SYNE2: variants seen among roughly 807,000 people sequenced by gnomAD.
SYNE2 encodes the protein nesprin-2.
A neutral mutation model predicts 856.3 loss-of-function variants in SYNE2; 431 were observed. The observed-to-expected ratio is 0.50, with a 90% CI of 0.47 to 0.55. The LOEUF (loss-of-function observed/expected upper bound fraction) is 0.55, where lower values mean the gene tolerates loss of function less well. Among genes scored for constraint, SYNE2 ranks in the 20% least tolerant of loss-of-function variants. The pLI, the probability that SYNE2 is intolerant of heterozygous loss-of-function variation, is 0.00. For missense variants in SYNE2, 8,129 were observed against 8,023.2 expected, an observed-to-expected ratio of 1.01 and a Z score of -0.50; for synonymous variants, 2,923 against 2,872.3, an observed-to-expected ratio of 1.02 and a Z score of -0.56.
intron 45 of SYNE2, among the ~76,000 whole-genome samples, chr14:64,046,707 A>G (rs992219549): frequency 2.6e-5 from 4 of 152,196 alleles, no homozygotes; most frequent in African/African-American, 9.7e-5. Flanking sequence ...CCAGACTCAT[A>G]AAAGAGGCAC....
chr14:64,224,518 G>A lies in SYNE2; in HGVS notation c.20440G>A (p.Ala6814Thr). The part of the protein sequence containing the change: ...DEVDSGDQPP[A>T]TSVPAPRAKF... ...GGTAGACTCGGGGGACCAGCCTCCTGCAACATCCGTGCCAGCTCCCCGAGC... is the reference window on the plus strand; with the variant it reads ...GGTAGACTCGGGGGACCAGCCTCCTACAACATCCGTGCCAGCTCCCCGAGC... Residue 6814 changes from alanine (A) to threonine (T), a missense_variant, in exon 114 of 116, where the codon GCA becomes ACA. Physicochemically the swap from Ala to Thr is moderately conservative, Grantham distance 58. This residue lies in a region of SYNE2 where 5,410 missense variants were observed against 5,284.8 expected (regional missense o/e 1.02). Transcript: ENST00000555002. 1 of 1,614,124 alleles carries A rather than the reference G, an allele frequency of 6.2e-7. No homozygotes were observed. The highest frequency in any genetic ancestry group is 8.5e-7 in the Non-Finnish European group (1 of 1,180,028).
At chr14:64,213,780 A>C (rs1016924238) in intron 105 of SYNE2, among the ~76,000 whole-genome samples, 1 of 152,222 alleles carries the variant, frequency 6.6e-6, no homozygotes, top group African/African-American at 2.4e-5. Flanking sequence ...TAAGAAAGAA[A>C]GAACCTGGTG....
chr14:63,786,247 C>CAAA (rs61324324), intron 1 of SYNE2, among the ~76,000 whole-genome samples: 1 of 142,050 alleles, frequency 7.0e-6, no homozygotes, highest in Non-Finnish European at 1.5e-5. Flanking sequence ...AAGACTGTCT[C>CAAA]AAAAAAAAAA....
intron 6 of SYNE2, among the ~76,000 whole-genome samples, chr14:63,948,788 A>ATATG (rs1566884695): frequency 5.3e-5 from 3 of 57,056 alleles, no homozygotes; most frequent in Non-Finnish European, 9.1e-5. Flanking sequence ...GTGTGTATAT[A>ATATG]TATATATATA....
In SYNE2 at chr14:64,210,001, C is replaced by CCGG; in HGVS notation, c.18605_18607dup (p.Arg6202dup). 1 of 1,614,142 alleles carries CCGG rather than the reference C, an allele frequency of 6.2e-7. No homozygotes were observed. Among genetic ancestry groups the CCGG allele is most frequent in the Non-Finnish European group, 8.5e-7 (1 of 1,180,034 alleles). On this transcript the variant is annotated inframe_insertion, in exon 103 of 116. Transcript: ENST00000555002. ...AGCTGGAGCTCATCAACAAGCAGTA[C>CCGG]CGGCGGCTGGCCCGGGAGAACCGCA...
At chr14:63,895,375 C>T (rs1178864090) in intron 1 of SYNE2, among the ~76,000 whole-genome samples, 2 of 151,654 alleles carry the variant, frequency 1.3e-5, no homozygotes, top group African/African-American at 2.4e-5. Context: ...TCCCAAAGTG[C>T]TGGGATTACA....
In SYNE2 at chr14:64,215,363, C is replaced by T; in HGVS notation, c.19402+9C>T. On this transcript the variant is annotated intron_variant, in intron 107 of 115. Transcript: ENST00000555002. ...TTTGAAAGCGTCTTCTGGTAGGCCC[C>T]CGCCCATGCATGTGTCAACATGGCA... The T allele has an allele frequency of 1.2e-6, 2 of 1,613,884 alleles. No homozygotes were observed. The highest frequency in any genetic ancestry group is 1.7e-6 in the Non-Finnish European group (2 of 1,179,906).
intron 2 of SYNE2, among the ~76,000 whole-genome samples, chr14:63,915,209 C>T (rs2097852625): frequency 6.6e-6 from 1 of 152,100 alleles, no homozygotes; most frequent in South Asian, 2.1e-4. Flanking sequence ...GAGAACTTCT[C>T]AGGTATAGAA....
chr14:63,879,256 C>CT (rs1051319177), intron 1 of SYNE2, among the ~76,000 whole-genome samples: 10 of 152,248 alleles, frequency 6.6e-5, no homozygotes, highest in Non-Finnish European at 1.0e-4. Flanking sequence ...ATTTAAAAAT[C>CT]TTTTTTTGTT....
chr14:64,183,922 G>T (rs1041422802), intron 96 of SYNE2, among the ~76,000 whole-genome samples: 62 of 142,944 alleles, frequency 4.3e-4, no homozygotes, highest in African/African-American at 1.5e-3. Flanking sequence ...AGGGAGAGGG[G>T]GCTCGGCATC....
chr14:63,817,297 CA>C (rs1889029600), intron 1 of SYNE2, among the ~76,000 whole-genome samples: 1 of 151,708 alleles, frequency 6.6e-6, no homozygotes, highest in Non-Finnish European at 1.5e-5. Flanking sequence ...CCTGTCTCTA[CA>C]AAAAAACACA....
intron 32 of SYNE2, among the ~76,000 whole-genome samples, chr14:64,014,167 G>T (rs1476794679): frequency 6.6e-6 from 1 of 152,090 alleles, no homozygotes; most frequent in Non-Finnish European, 1.5e-5. Context: ...GCATTATTCT[G>T]TGGAGATTCA....
At chr14:63,786,294 G>C (rs988344110) in intron 1 of SYNE2, among the ~76,000 whole-genome samples, 36 of 152,076 alleles carry the variant, frequency 2.4e-4, no homozygotes, top group African/African-American at 8.7e-4. Flanking sequence ...TGTGGTCCCA[G>C]CTACTCAGGA....
intron 45 of SYNE2, among the ~76,000 whole-genome samples, chr14:64,047,320 G>C (rs191293883): frequency 6.2e-4 from 95 of 152,244 alleles, no homozygotes; most frequent in African/African-American, 2.3e-3. Flanking sequence ...ACGCAAAAAA[G>C]GTTAAAGCGA....
rs753166946 is a variant in SYNE2 at position 64,121,020 on chromosome 14, A to G, written c.13117A>G (p.Arg4373Gly). 4.3e-6 allele frequency: 7 copies of G among 1,614,050 alleles called. No individual in the cohort carries two copies. The African/African-American group carries it at 8.0e-5, about 18-fold the overall frequency. ...TGAATTGGAATCCATTGTAACTGAA[A>G]GGCCACAATTCAGCAGACAAAAAGA... ...LSELESIVTE[R>G]PQFSRQKDFQ... Residue 4373 changes from arginine (R) to glycine (G), a missense_variant, in exon 68 of 116, where the codon AGG becomes GGG. Physicochemically the swap from Arg to Gly is moderately radical, Grantham distance 125 (BLOSUM62 -2). Coordinates refer to ENST00000555002, the MANE Select transcript of SYNE2 (RefSeq NM_182914.3).
At position 64,210,020 on chromosome 14, in the gene SYNE2, A is replaced by T; in HGVS notation, c.18619A>T (p.Asn6207Tyr). The T allele has an allele frequency of 6.2e-7, 1 of 1,614,042 alleles. No homozygotes were observed. Among genetic ancestry groups the T allele is most frequent in the South Asian group, 1.1e-5 (1 of 91,072 alleles). The change falls in exon 103 of 116, where the codon AAC becomes TAC. Residue 6207 changes from asparagine to tyrosine, a missense_variant. This residue lies in a region of SYNE2 where 5,410 missense variants were observed against 5,284.8 expected (regional missense o/e 1.02). Coordinates refer to ENST00000555002, the MANE Select transcript of SYNE2 (RefSeq NM_182914.3). Reference protein sequence around the residue: ...NKQYRRLARENRTDTASRLKQ... With the variant: ...NKQYRRLAREYRTDTASRLKQ... ...GCAGTACCGGCGGCTGGCCCGGGAG[A>T]ACCGCACAGACACGGCCAGCAGGCT...
At chr14:63,774,487 GA>G (rs1887038690) in intron 1 of SYNE2, among the ~76,000 whole-genome samples, 1 of 119,652 alleles carries the variant, frequency 8.4e-6, no homozygotes, top group Non-Finnish European at 1.9e-5. Context: ...AAAAAAAAAA[GA>G]AAAAAAGAAA....
At chr14:64,137,353 C>T (rs2098102203) in intron 78 of SYNE2, among the ~76,000 whole-genome samples, 1 of 152,136 alleles carries the variant, frequency 6.6e-6, no homozygotes, top group African/African-American at 2.4e-5. Flanking sequence ...GTGTGCGCCA[C>T]CAAGTCCCGC....
In SYNE2 at chr14:64,095,094, G is replaced by A. The variant is rs144194694; in HGVS notation, c.12108+1614G>A. Reference sequence around the variant, plus strand: ...ACCATTAAAAGTAATGACAAAAACCGCGATTACTTTTGCACCCACCTAATG... The same window carrying A: ...ACCATTAAAAGTAATGACAAAAACCACGATTACTTTTGCACCCACCTAATG... On this transcript the variant is annotated intron_variant, in intron 61 of 115. Transcript: ENST00000555002. 3.2e-4 allele frequency: 55 copies of A among 170,404 alleles called. No individual in the cohort carries two copies. The East Asian group carries it at 9.6e-3, about 30-fold the overall frequency. The allele number at this position is 170,404 out of a possible 1,614,324, so 10.6% of individuals were successfully genotyped here. A position where few individuals can be genotyped will look rare whatever the true frequency, so the allele number is the denominator to read the frequency against.
Sources: gnomAD v4.1 joint callset for allele counts (sites outside exome capture counted in the v4.1 genomes callset) on GRCh38, gnomAD v4.1.1 for gene constraint, gnomAD v4.1.1 regional missense constraint, MANE v1.5 for transcripts, NCBI Gene and HGNC (gene_info 2026-07-23, HGNC 2026-07-21) for gene names.